Variants in GJA1 observed in about 807,000 individuals in gnomAD.
The protein encoded by GJA1 is gap junction alpha-1 protein.
In GJA1, 9 loss-of-function variants were observed where a neutral mutation model predicts 31.0. The observed-to-expected ratio is 0.29, with a 90% confidence interval of 0.17 to 0.51. The LOEUF is 0.51. Among genes scored for constraint, GJA1 ranks in the 20% least tolerant of loss-of-function variants. GJA1 has a pLI of 0.98. For missense variants in GJA1, 278 were observed against 468.8 expected (o/e 0.59, Z 3.76); for synonymous variants, 186 against 180.1 (o/e 1.03, Z -0.26).
At chr6:121,438,838 C>T (rs1044975909) in intron 1 of GJA1, among the ~76,000 whole-genome samples, 2 of 135,552 alleles carry the variant, frequency 1.5e-5, no homozygotes, top group Admixed American at 7.1e-5. Flanking sequence ...ATTGTCTAAA[C>T]CTCCATCTAA....
chr6:121,443,771 C>G (rs1291505815), intron 1 of GJA1, among the ~76,000 whole-genome samples: 2 of 152,132 alleles, frequency 1.3e-5, no homozygotes, highest in African/African-American at 2.4e-5. Context: ...GGTCATATTT[C>G]TAGATATGAT....
At chr6:121,440,660 T>G (rs932089441) in intron 1 of GJA1, among the ~76,000 whole-genome samples, 1 of 151,596 alleles carries the variant, frequency 6.6e-6, no homozygotes, top group Non-Finnish European at 1.5e-5. Flanking sequence ...TTTTTTTTTT[T>G]GCACAGTATC....
At chr6:121,440,914 TG>T (rs1435316369) in intron 1 of GJA1, among the ~76,000 whole-genome samples, 8 of 107,574 alleles carry the variant, frequency 7.4e-5, no homozygotes, top group African/African-American at 6.1e-4. Flanking sequence ...GCTACTTTTT[TG>T]TTGTTGTTGT....
rs762665963 is a variant in GJA1 at position 121,447,984 on chromosome 6, C to T, written c.1137C>T (p.Asp379=). The change falls in exon 2 of 2, where the codon GAC becomes GAT. Residue 379 remains aspartate (D), a synonymous_variant. Transcript: ENST00000282561. ...CCAGCAGCAGACCTCGGCCTGATGACCTGGAGATCTAGATACAGGCTTGAA... is the reference window on the plus strand; with the variant it reads ...CCAGCAGCAGACCTCGGCCTGATGATCTGGAGATCTAGATACAGGCTTGAA... ...SRASSRPRPD[D]LEI 1.2e-6 allele frequency: 2 copies of T among 1,612,148 alleles called. No individual in the cohort carries two copies. Among genetic ancestry groups the T allele is most frequent in the South Asian group, 1.1e-5 (1 of 91,060 alleles).
At chr6:121,437,248 G>A (rs1773683422) in intron 1 of GJA1, among the ~76,000 whole-genome samples, 1 of 152,206 alleles carries the variant, frequency 6.6e-6, no homozygotes. Flanking sequence ...CCGGGGTGCG[G>A]GGTGGGAGGG....
At position 121,436,105 on chromosome 6, in the gene GJA1, G is replaced by A. The variant is rs190541325; in HGVS notation, c.-17+273G>A. 4.6e-3 allele frequency among the ~76,000 whole-genome samples: 621 copies of A among 135,938 alleles called. 6 individuals are homozygous for A. The highest frequency in any genetic ancestry group is 0.017 in the African/African-American group (594 of 35,860). The allele number at this position is 135,938 out of a possible 152,430, so 89.2% of individuals were successfully genotyped here. Reference sequence around the variant, plus strand: ...TAAAGGATTAGTTTACTGGATGTTTGGTTTTTCATTTTAGAGTATCATTTT... The same window carrying A: ...TAAAGGATTAGTTTACTGGATGTTTAGTTTTTCATTTTAGAGTATCATTTT... On this transcript the variant is annotated intron_variant, in intron 1 of 1. Transcript: ENST00000282561.
rs970429308 is a variant in GJA1 at position 121,441,204 on chromosome 6, G to C, written c.-17+5372G>C. 3.9e-5 allele frequency among the ~76,000 whole-genome samples: 6 copies of C among 151,940 alleles called. No homozygotes were observed. The East Asian group carries it at 7.8e-4, about 20-fold the overall frequency. ...CCTAACCTCGTGATCCGCCCGCCTCGGCCTCCCAAAGTGCTGGGACTACAG... is the reference window on the plus strand; with the variant it reads ...CCTAACCTCGTGATCCGCCCGCCTCCGCCTCCCAAAGTGCTGGGACTACAG... On this transcript the variant is annotated intron_variant, in intron 1 of 1. Coordinates refer to ENST00000282561, the MANE Select transcript of GJA1 (RefSeq NM_000165.5).
At chr6:121,442,943 T>C (rs1216058831) in intron 1 of GJA1, among the ~76,000 whole-genome samples, 1 of 152,212 alleles carries the variant, frequency 6.6e-6, no homozygotes, top group Non-Finnish European at 1.5e-5. Flanking sequence ...TTGGTCTACA[T>C]ATAAAGCACC....
chr6:121,436,187 G>GGGC (rs1773659872), intron 1 of GJA1, among the ~76,000 whole-genome samples: 1 of 128,062 alleles, frequency 7.8e-6, no homozygotes, highest in African/African-American at 2.9e-5. Context: ...TGTTGGGTGG[G>GGGC]GGGGGGGCGG....
At chr6:121,440,481 A>T (rs1294855579) in intron 1 of GJA1, among the ~76,000 whole-genome samples, 1 of 152,148 alleles carries the variant, frequency 6.6e-6, no homozygotes, top group East Asian at 1.9e-4. Context: ...TTCAACAAAC[A>T]GTTCTCTGTT....
chr6:121,439,772 C>T (rs1377217882), intron 1 of GJA1, among the ~76,000 whole-genome samples: 1 of 152,140 alleles, frequency 6.6e-6, no homozygotes, highest in Non-Finnish European at 1.5e-5. Flanking sequence ...TTATGTTGTC[C>T]TCCCCTCTGC....
chr6:121,448,042 A>G lies in GJA1; in HGVS notation c.*46A>G, dbSNP rs746134652. ...AGATTCCACTCAATTGTGGAGAAGA[A>G]AAAAGGTGCTGTAGAAAGTGCACCA... On this transcript the variant is annotated 3_prime_UTR_variant, in exon 2 of 2. Coordinates refer to ENST00000282561, the MANE Select transcript of GJA1 (RefSeq NM_000165.5). The G allele has an allele frequency of 6.5e-6, 10 of 1,538,164 alleles. No individual in the cohort carries two copies. The highest frequency in any genetic ancestry group is 9.0e-6 in the Non-Finnish European group (10 of 1,110,876).
chr6:121,446,841 A>G lies in GJA1; in HGVS notation c.-7A>G. On this transcript the variant is annotated 5_prime_UTR_variant, in exon 2 of 2. Transcript: ENST00000282561. ...TCTTTGTTTCTTTCAGGTGGTGCCCAGGCAACATGGGTGACTGGAGCGCCT... is the reference window on the plus strand; with the variant it reads ...TCTTTGTTTCTTTCAGGTGGTGCCCGGGCAACATGGGTGACTGGAGCGCCT... 1.2e-6 allele frequency: 2 copies of G among 1,605,116 alleles called. No homozygotes were observed. Among genetic ancestry groups the G allele is most frequent in the Non-Finnish European group, 1.7e-6 (2 of 1,171,710 alleles).
At chr6:121,441,088 GC>G (rs1196556055) in intron 1 of GJA1, among the ~76,000 whole-genome samples, 1 of 150,934 alleles carries the variant, frequency 6.6e-6, no homozygotes, top group Non-Finnish European at 1.5e-5. Flanking sequence ...GACTACAGGT[GC>G]CCGCCACCAC....
At chr6:121,441,334 C>T (rs1329395009) in intron 1 of GJA1, among the ~76,000 whole-genome samples, 1 of 152,104 alleles carries the variant, frequency 6.6e-6, no homozygotes, top group Non-Finnish European at 1.5e-5. Flanking sequence ...GATGATCCTC[C>T]CACCTCGGCC....
intron 1 of GJA1, among the ~76,000 whole-genome samples, chr6:121,438,885 T>C (rs2114271577): frequency 6.6e-6 from 1 of 152,210 alleles, no homozygotes; most frequent in Non-Finnish European, 1.5e-5. Flanking sequence ...GATTGTCTTT[T>C]ACCTATTTTC....
chr6:121,437,369 T>C (rs1423749386), intron 1 of GJA1, among the ~76,000 whole-genome samples: 1 of 151,836 alleles, frequency 6.6e-6, no homozygotes, highest in African/African-American at 2.4e-5. Flanking sequence ...TTTTTTTCTT[T>C]TTCTTTTTTC....
chr6:121,447,770 A>G lies in GJA1; in HGVS notation c.923A>G (p.Gln308Arg), dbSNP rs763233834. 3 of 1,614,008 alleles carry G rather than the reference A, an allele frequency of 1.9e-6. No homozygotes were observed. The highest frequency in any genetic ancestry group is 2.5e-6 in the Non-Finnish European group (3 of 1,180,030). ...AATTACAACAAGCAAGCAAGTGAGCAAAACTGGGCTAATTACAGTGCAGAA... is the reference window on the plus strand; with the variant it reads ...AATTACAACAAGCAAGCAAGTGAGCGAAACTGGGCTAATTACAGTGCAGAA... ...CRNYNKQASE[Q>R]NWANYSAEQN... The change falls in exon 2 of 2, where the codon CAA becomes CGA. Residue 308 changes from glutamine (Q) to arginine (R), a missense_variant. By Grantham distance (43) the Gln-to-Arg change is conservative. This residue lies in a region of GJA1 where 172 missense variants were observed against 190.9 expected (regional missense o/e 0.90). Transcript: ENST00000282561.
Position 121,446,917 on chromosome 6 carries a change from G to C in GJA1, c.70G>C (p.Val24Leu), listed in dbSNP as rs1773898427. ...AGCCTACTCAACTGCTGGAGGGAAG[G>C]TGTGGCTGTCAGTACTTTTCATTTT... is the stretch of plus-strand genomic sequence containing the variant. ...VQAYSTAGGK[V>L]WLSVLFIFRI... is the part of the protein sequence containing the mutation. The change falls in exon 2 of 2, where the codon GTG (valine) becomes CTG (leucine). Residue 24 changes from valine to leucine, a missense_variant. Physicochemically the swap from Val to Leu is conservative, Grantham distance 32. Coordinates refer to ENST00000282561, the MANE Select transcript of GJA1 (RefSeq NM_000165.5). 6.2e-7 allele frequency: 1 copy of C among 1,613,802 alleles called. No individual in the cohort carries two copies. The highest frequency in any genetic ancestry group is 8.5e-7 in the Non-Finnish European group (1 of 1,179,764).
Sources: allele counts gnomAD v4.1 joint callset (sites outside exome capture counted in the v4.1 genomes callset), GRCh38; gene constraint gnomAD v4.1.1; regional missense constraint gnomAD v4.1.1; transcripts MANE v1.5; gene names NCBI Gene and HGNC (gene_info 2026-07-23, HGNC 2026-07-21).